CTNNA2: variants seen among roughly 807,000 people sequenced by gnomAD.
CTNNA2 encodes catenin alpha 2.
A neutral mutation model predicts 101.0 loss-of-function variants in CTNNA2; 42 were observed. The ratio of observed to expected loss-of-function variants is 0.42; its 90% confidence interval spans 0.32 to 0.54. The LOEUF is 0.54. Ranked by LOEUF, CTNNA2 falls within the 20% of genes least tolerant of loss-of-function variation. The pLI is 0.14. For missense variants in CTNNA2, 871 were observed against 1,223.1 expected, an observed-to-expected ratio of 0.71 and a Z score of 4.29; for synonymous variants, 450 against 456.4, an observed-to-expected ratio of 0.99 and a Z score of 0.18.
intron 7 of CTNNA2, among the ~76,000 whole-genome samples, chr2:80,224,949 T>C (rs1243461966): frequency 6.6e-6 from 1 of 152,212 alleles, no homozygotes; most frequent in Non-Finnish European, 1.5e-5. Context: ...TGCCCAGTTC[T>C]GTGCAGGATA....
chr2:80,607,632 G>T (rs950470850), intron 16 of CTNNA2, among the ~76,000 whole-genome samples: 1 of 151,818 alleles, frequency 6.6e-6, no homozygotes, highest in African/African-American at 2.4e-5. Context: ...TTAAAGGCAG[G>T]TTATTATGTT....
chr2:80,482,900 T>G (rs1212050672), intron 9 of CTNNA2, among the ~76,000 whole-genome samples: 1 of 152,226 alleles, frequency 6.6e-6, no homozygotes, highest in African/African-American at 2.4e-5. Context: ...CATTCCCTGG[T>G]GCCTTCCAGA....
chr2:80,086,986 CAG>C (rs1409126089), intron 7 of CTNNA2, among the ~76,000 whole-genome samples: 5 of 152,016 alleles, frequency 3.3e-5, no homozygotes, highest in Non-Finnish European at 7.4e-5. Flanking sequence ...GGATTACTAA[CAG>C]AGCAGCTATT....
At chr2:79,751,457 G>A (rs1278179201) in intron 3 of CTNNA2, among the ~76,000 whole-genome samples, 2 of 151,860 alleles carry the variant, frequency 1.3e-5, no homozygotes, top group African/African-American at 4.8e-5. Flanking sequence ...TTAGCAGGGT[G>A]TGGTGGCTCA....
chr2:80,632,577 T>G (rs1672416243), intron 18 of CTNNA2, among the ~76,000 whole-genome samples: 1 of 152,270 alleles, frequency 6.6e-6, no homozygotes, highest in Non-Finnish European at 1.5e-5. Context: ...AGATCGTAAC[T>G]AGGCTACCCC....
In CTNNA2 at chr2:80,521,269, C is replaced by T. The variant is rs554837269; in HGVS notation, c.1291-23713C>T. ...ACAAAAGAGAAACTGAGTGCCTCCTCGTACCTGCTATACTCACCAAAGCCC... is the reference window on the plus strand; with the variant it reads ...ACAAAAGAGAAACTGAGTGCCTCCTTGTACCTGCTATACTCACCAAAGCCC... On this transcript the variant is annotated intron_variant, in intron 9 of 18. Coordinates refer to ENST00000402739, the MANE Select transcript of CTNNA2 (RefSeq NM_001282597.3). Among the ~76,000 whole-genome samples the T allele has an allele frequency of 2.2e-4, 33 of 152,258 alleles. No individual in the cohort carries two copies. The South Asian group carries it at 2.7e-3, about 12-fold the overall frequency.
intron 2 of CTNNA2, among the ~76,000 whole-genome samples, chr2:79,209,094 C>T (rs1436371794): frequency 3.3e-5 from 5 of 152,082 alleles, no homozygotes; most frequent in South Asian, 4.1e-4. Context: ...GGCAGGAAGA[C>T]GGCTTGAGTC....
At chr2:79,424,940 A>G (rs1455217955) in intron 4 of CTNNA2, among the ~76,000 whole-genome samples, 1 of 152,182 alleles carries the variant, frequency 6.6e-6, no homozygotes, top group Non-Finnish European at 1.5e-5. Flanking sequence ...TGTGAACTGT[A>G]TAAATGCAAG....
intron 7 of CTNNA2, chr2:80,027,900 G>T (rs1558741169): frequency 7.3e-6 from 1 of 136,220 alleles, no homozygotes; most frequent in Non-Finnish European, 1.5e-5. Context: ...TTGAGCCCAG[G>T]ATTTTGAAGC....
At position 80,516,323 on chromosome 2, in the gene CTNNA2, T is replaced by C. The variant is rs575156853; in HGVS notation, c.1291-28659T>C. On this transcript the variant is annotated intron_variant, in intron 9 of 18. Transcript: ENST00000402739. ...TGTTTGTTACCCATATGTAGGATGC[T>C]ATTTACATAAAAGCCGCAGAAGCTA... 1.6e-4 allele frequency among the ~76,000 whole-genome samples: 25 copies of C among 152,342 alleles called. No individual in the cohort carries two copies. The South Asian group carries it at 5.0e-3, about 30-fold the overall frequency.
chr2:80,585,835 A>G (rs773682389), intron 14 of CTNNA2, among the ~76,000 whole-genome samples: 1 of 152,188 alleles, frequency 6.6e-6, no homozygotes, highest in South Asian at 2.1e-4. Flanking sequence ...TGAATTTTTA[A>G]AAGCAAGAGC....
chr2:79,354,010 T>G (rs953544163), intron 3 of CTNNA2, among the ~76,000 whole-genome samples: 43 of 152,284 alleles, frequency 2.8e-4, no homozygotes, highest in African/African-American at 9.9e-4. Context: ...CCCAGTCTAT[T>G]CTGGCTTGAA....
intron 7 of CTNNA2, among the ~76,000 whole-genome samples, chr2:80,241,624 T>TA (rs1670949016): frequency 6.6e-6 from 1 of 150,484 alleles, no homozygotes; most frequent in South Asian, 2.1e-4. Flanking sequence ...TCTATCTATC[T>TA]ATCATCTTTG....
chr2:80,369,501 A>G (rs192391410), intron 7 of CTNNA2, among the ~76,000 whole-genome samples: 1 of 152,260 alleles, frequency 6.6e-6, no homozygotes, highest in Non-Finnish European at 1.5e-5. Context: ...TGTGGTAGGC[A>G]GAAAAATGGC....
At chr2:79,191,643 G>T (rs780905932) in intron 1 of CTNNA2, among the ~76,000 whole-genome samples, 5 of 152,146 alleles carry the variant, frequency 3.3e-5, no homozygotes, top group Non-Finnish European at 7.4e-5. Context: ...TTGCAGGCTG[G>T]GAAGCACAGC....
intron 6 of CTNNA2, among the ~76,000 whole-genome samples, chr2:79,889,696 C>T (rs1684171288): frequency 6.6e-6 from 1 of 152,180 alleles, no homozygotes; most frequent in Non-Finnish European, 1.5e-5. Context: ...TAGTTTTCTT[C>T]TTCTCCTACC....
chr2:79,235,942 C>T (rs770746606), intron 2 of CTNNA2, among the ~76,000 whole-genome samples: 6 of 152,078 alleles, frequency 3.9e-5, no homozygotes, highest in Non-Finnish European at 8.8e-5. Flanking sequence ...ACCCCACTGG[C>T]TGAGTTTAGG....
intron 4 of CTNNA2, among the ~76,000 whole-genome samples, chr2:79,859,884 A>G (rs1362684113): frequency 6.6e-6 from 1 of 152,124 alleles, no homozygotes; most frequent in African/African-American, 2.4e-5. Flanking sequence ...CTCATCTGTT[A>G]AAGTGGGGCT....
intron 1 of CTNNA2, among the ~76,000 whole-genome samples, chr2:79,197,397 T>G (rs562852933): frequency 6.6e-6 from 1 of 152,190 alleles, no homozygotes; most frequent in African/African-American, 2.4e-5. Flanking sequence ...TGGACCTCAA[T>G]TGGAAACTGG....
Sources: gnomAD v4.1 joint callset for allele counts (sites outside exome capture counted in the v4.1 genomes callset) on GRCh38, gnomAD v4.1.1 for gene constraint, MANE v1.5 for transcripts, NCBI Gene and HGNC (gene_info 2026-07-23, HGNC 2026-07-21) for gene names.